Variants in ARB2A observed in about 807,000 individuals in gnomAD.
ARB2A encodes the protein cotranscriptional regulator ARB2A.
At chr5:93,929,736 C>A in the ARB2A span, among the ~76,000 whole-genome samples, 12 of 152,060 alleles carry the variant, frequency 7.9e-5, no homozygotes, top group Admixed American at 7.9e-4. Context: ...ATTCCCAAGA[C>A]AAAATCAAAC....
the ARB2A span, among the ~76,000 whole-genome samples, chr5:93,935,098 G>A: frequency 2.6e-5 from 4 of 152,052 alleles, no homozygotes; most frequent in Non-Finnish European, 4.4e-5. Context: ...GGTGGGAGGC[G>A]GGTGAGGGAT....
At chr5:94,079,174 A>G in the ARB2A span, among the ~76,000 whole-genome samples, 3 of 152,372 alleles carry the variant, frequency 2.0e-5, no homozygotes, top group East Asian at 5.8e-4. Context: ...ATTTTTGGAC[A>G]TAAGTTATAC....
chr5:93,966,411 G>C, the ARB2A span, among the ~76,000 whole-genome samples: 1 of 152,026 alleles, frequency 6.6e-6, no homozygotes, highest in East Asian at 1.9e-4. Context: ...AGGTACATCA[G>C]TTAATCCTCA....
the ARB2A span, among the ~76,000 whole-genome samples, chr5:93,879,999 C>T: frequency 2.0e-5 from 3 of 151,664 alleles, no homozygotes; most frequent in South Asian, 6.2e-4. Context: ...AAGCTTAGTA[C>T]AACTGATAGA....
chr5:93,837,271 T>C, the ARB2A span, among the ~76,000 whole-genome samples: 3 of 152,172 alleles, frequency 2.0e-5, no homozygotes, highest in East Asian at 1.9e-4. Flanking sequence ...GCTCCATCCA[T>C]GTTGCTGCAA....
the ARB2A span, chr5:93,736,118 C>G: frequency 6.6e-6 from 1 of 152,082 alleles, no homozygotes; most frequent in Non-Finnish European, 1.5e-5. Context: ...GACGCTGGAC[C>G]ATGGGAAGCT....
At chr5:93,994,644 G>A in the ARB2A span, among the ~76,000 whole-genome samples, 1 of 151,860 alleles carries the variant, frequency 6.6e-6, no homozygotes, top group Non-Finnish European at 1.5e-5. Flanking sequence ...TTGGAGACAT[G>A]ACAATTTGAA....
At chr5:93,853,771 C>T in the ARB2A span, among the ~76,000 whole-genome samples, 4 of 152,102 alleles carry the variant, frequency 2.6e-5, no homozygotes, top group Admixed American at 6.6e-5. Flanking sequence ...AATTGATTTG[C>T]GTATATTGAA....
chr5:93,853,496 T>G, the ARB2A span, among the ~76,000 whole-genome samples: 2 of 152,274 alleles, frequency 1.3e-5, no homozygotes, highest in African/African-American at 4.8e-5. Context: ...AACACTATGT[T>G]GAATAGGAGT....
the ARB2A span, among the ~76,000 whole-genome samples, chr5:94,038,706 A>G: frequency 1.3e-5 from 2 of 152,074 alleles, no homozygotes; most frequent in African/African-American, 4.8e-5. Flanking sequence ...CTGCTATAAT[A>G]ATCTCCTTAA....
At chr5:93,818,692 G>A in the ARB2A span, among the ~76,000 whole-genome samples, 2 of 152,070 alleles carry the variant, frequency 1.3e-5, no homozygotes, top group East Asian at 3.9e-4. Context: ...ATACCTACAA[G>A]GGTGTGTCAT....
At chr5:93,780,254 G>A in the ARB2A span, among the ~76,000 whole-genome samples, 2 of 152,186 alleles carry the variant, frequency 1.3e-5, no homozygotes, top group African/African-American at 4.8e-5. Context: ...GATAGGAAGG[G>A]TTCACAACTA....
the ARB2A span, among the ~76,000 whole-genome samples, chr5:93,629,639 G>A: frequency 6.6e-6 from 1 of 151,880 alleles, no homozygotes; most frequent in Non-Finnish European, 1.5e-5. Flanking sequence ...GTTCCAGGGA[G>A]AAAAAACCCA....
At chr5:93,911,196 A>G in the ARB2A span, among the ~76,000 whole-genome samples, 1 of 151,644 alleles carries the variant, frequency 6.6e-6, no homozygotes. Context: ...AGTAGAATCT[A>G]TATTATGGAA....
chr5:93,891,138 G>A, the ARB2A span, among the ~76,000 whole-genome samples: 47 of 152,200 alleles, frequency 3.1e-4, no homozygotes, highest in South Asian at 1.5e-3. Context: ...AAGATTTACC[G>A]TGAAAAGGAA....
the ARB2A span, among the ~76,000 whole-genome samples, chr5:93,894,478 T>C: frequency 6.6e-6 from 1 of 152,098 alleles, no homozygotes; most frequent in African/African-American, 2.4e-5. Flanking sequence ...TCTCTCAGCT[T>C]CTCTGTACAC....
the ARB2A span, among the ~76,000 whole-genome samples, chr5:93,850,563 C>A: frequency 6.6e-6 from 1 of 152,154 alleles, no homozygotes; most frequent in South Asian, 2.1e-4. Flanking sequence ...GTCACTAAGT[C>A]CTCTGCTCTA....
At chr5:93,992,351 A>G in the ARB2A span, among the ~76,000 whole-genome samples, 2 of 152,056 alleles carry the variant, frequency 1.3e-5, no homozygotes, top group African/African-American at 4.8e-5. Flanking sequence ...AGGCTCTCAC[A>G]TTATATGTGA....
the ARB2A span, among the ~76,000 whole-genome samples, chr5:93,884,227 T>C: frequency 1.3e-5 from 2 of 151,630 alleles, no homozygotes; most frequent in Admixed American, 1.3e-4. Context: ...TATTATCTTA[T>C]TACTTAATCA....
Sources: allele counts gnomAD v4.1 joint callset (sites outside exome capture counted in the v4.1 genomes callset), GRCh38; gene constraint gnomAD v4.1.1; transcripts MANE v1.5; gene names NCBI Gene and HGNC (gene_info 2026-07-23, HGNC 2026-07-21).